Variants in CABLES1 observed in about 807,000 individuals in gnomAD.
CABLES1 encodes Cdk5 and Abl enzyme substrate 1.
CABLES1 carries 36 observed loss-of-function variants against 57.8 expected under a neutral mutation model. The observed-to-expected ratio is 0.62, with a 90% CI of 0.48 to 0.82. CABLES1 has a LOEUF of 0.82. CABLES1 is among the 40% of genes least tolerant of loss of function. The probability of loss-of-function intolerance (pLI) is 0.00; values close to 1 mark genes in which losing one functional copy is unlikely to be tolerated. For missense variants in CABLES1, 767 were observed against 836.6 expected (o/e 0.92, Z 1.03); for synonymous variants, 374 against 363.0 (o/e 1.03, Z -0.35).
Position 23,135,780 on chromosome 18 carries a change from G to C in CABLES1, c.18G>C (p.Ala6=). MAAAA[A]AATTAACSSG... Reference sequence around the variant, plus strand: ...CGGACACAATGGCGGCGGCGGCGGCGGCCGCCACCACGGCCGCCTGCAGCA... The same window carrying C: ...CGGACACAATGGCGGCGGCGGCGGCCGCCGCCACCACGGCCGCCTGCAGCA... Residue 6 remains alanine, a synonymous_variant, in exon 1 of 10, where the codon GCG becomes GCC. Coordinates refer to ENST00000256925, the MANE Select transcript of CABLES1 (RefSeq NM_001100619.3). 1.0e-6 allele frequency: 1 copy of C among 980,186 alleles called. No homozygotes were observed. The highest frequency in any genetic ancestry group is 1.2e-6 in the Non-Finnish European group (1 of 826,500). The allele number at this position is 980,186 out of a possible 1,614,324, so 60.7% of individuals were successfully genotyped here. A position where few individuals can be genotyped will look rare whatever the true frequency, so the allele number is the denominator to read the frequency against.
At position 23,178,917 on chromosome 18, in the gene CABLES1, A is replaced by G. The variant is rs73968814; in HGVS notation, c.846-9921A>G. Among the ~76,000 whole-genome samples, 30 of 152,240 alleles carry G rather than the reference A, an allele frequency of 2.0e-4. No individual in the cohort carries two copies. The Middle Eastern group carries it at 0.014, about 69-fold the overall frequency. On this transcript the variant is annotated intron_variant, in intron 1 of 9. Transcript: ENST00000256925. ...CCTTATTTGAACAAGCTGATTGGCA[A>G]CTCTAGTGTATTGATTTTAATTTGG...
intron 1 of CABLES1, among the ~76,000 whole-genome samples, chr18:23,139,619 G>A (rs970199754): frequency 6.6e-6 from 1 of 152,134 alleles, no homozygotes; most frequent in Non-Finnish European, 1.5e-5. Flanking sequence ...CACCACCTCT[G>A]TTCACTGGAC....
At chr18:23,165,802 C>T (rs994013913) in intron 1 of CABLES1, among the ~76,000 whole-genome samples, 2 of 152,162 alleles carry the variant, frequency 1.3e-5, no homozygotes, top group Admixed American at 6.5e-5. Flanking sequence ...TGAATGATGC[C>T]GCTATGAGCA....
intron 5 of CABLES1, among the ~76,000 whole-genome samples, chr18:23,235,223 C>G (rs560115481): frequency 6.6e-6 from 1 of 152,306 alleles, no homozygotes; most frequent in South Asian, 2.1e-4. Flanking sequence ...GTGCAGGGTC[C>G]AGACGGTCCT....
intron 3 of CABLES1, among the ~76,000 whole-genome samples, chr18:23,202,178 G>A (rs756553209): frequency 4.6e-5 from 7 of 152,228 alleles, no homozygotes; most frequent in Non-Finnish European, 1.0e-4. Flanking sequence ...ACTCGCCTTG[G>A]AACACAGTCA....
Position 23,148,383 on chromosome 18 carries a change from G to C in CABLES1, c.845+11776G>C, listed in dbSNP as rs184512678. On this transcript the variant is annotated intron_variant, in intron 1 of 9. Transcript: ENST00000256925. ...GATGTGGAGTTGAGTTGGGTGCTAC[G>C]TGGGTGCCTTGGCCTCACCTTTCAG... Among the ~76,000 whole-genome samples, 255 of 152,226 alleles carry C rather than the reference G, an allele frequency of 1.7e-3. 2 individuals are homozygous for C. Among genetic ancestry groups the C allele is most frequent in the Non-Finnish European group, 9.6e-4 (65 of 68,014 alleles).
intron 3 of CABLES1, among the ~76,000 whole-genome samples, chr18:23,198,520 G>A (rs1436317358): frequency 2.0e-5 from 3 of 152,176 alleles, no homozygotes; most frequent in Non-Finnish European, 2.9e-5. Context: ...TAGGTTACAT[G>A]GCAAAGGGGA....
At chr18:23,231,048 A>T (rs9958442) in intron 4 of CABLES1, among the ~76,000 whole-genome samples, 43,750 of 152,060 alleles carry the variant, frequency 0.29, 6,800 homozygotes, top group Admixed American at 0.46. Flanking sequence ...CCGACTTAGG[A>T]GAATCTTGCA....
At chr18:23,223,505 G>A (rs955032504) in intron 4 of CABLES1, among the ~76,000 whole-genome samples, 2 of 151,420 alleles carry the variant, frequency 1.3e-5, no homozygotes, top group African/African-American at 4.9e-5. Flanking sequence ...TTGAGCCCGG[G>A]AGGTGGAGGT....
chr18:23,136,385 T>G lies in CABLES1; in HGVS notation c.623T>G (p.Leu208Trp). 6.4e-7 allele frequency: 1 copy of G among 1,565,334 alleles called. No homozygotes were observed. The highest frequency in any genetic ancestry group is 1.2e-5 in the South Asian group (1 of 85,290). ...TCCGGGGCCGCCGGGCAGGAGGAGT[T>G]GGAGGAGGACGATGCCTTTATCAGC... ...DGSGAAGQEE[L>W]EEDDAFISVQ... The change falls in exon 1 of 10, where the codon TTG becomes TGG. Residue 208 changes from leucine to tryptophan, a missense_variant. Leu to Trp is a moderately conservative substitution (Grantham distance 61, BLOSUM62 -2). Around this residue, in one of 4 missense-constraint regions of CABLES1, gnomAD observed 529 missense variants for 622.8 expected, o/e 0.85. Coordinates refer to ENST00000256925, the MANE Select transcript of CABLES1 (RefSeq NM_001100619.3).
intron 1 of CABLES1, among the ~76,000 whole-genome samples, chr18:23,145,163 C>T (rs1477024674): frequency 6.6e-6 from 1 of 152,134 alleles, no homozygotes; most frequent in Non-Finnish European, 1.5e-5. Flanking sequence ...TCTCAAACTC[C>T]TGAACTCAGA....
At chr18:23,206,409 A>G (rs2047363883) in intron 3 of CABLES1, among the ~76,000 whole-genome samples, 2 of 152,386 alleles carry the variant, frequency 1.3e-5, no homozygotes, top group South Asian at 4.1e-4. Context: ...AGTAAATGCC[A>G]AAGGAAATAC....
chr18:23,177,001 C>G (rs2047127825), intron 1 of CABLES1, among the ~76,000 whole-genome samples: 1 of 152,144 alleles, frequency 6.6e-6, no homozygotes, highest in East Asian at 1.9e-4. Flanking sequence ...CCGTTCTCTC[C>G]TGACTGTGGA....
rs957725447 is a variant in CABLES1, at chr18:23,136,187, A to G, written c.425A>G (p.Gln142Arg). The G allele has an allele frequency of 2.3e-4, 279 of 1,235,584 alleles. No homozygotes were observed. The highest frequency in any genetic ancestry group is 2.7e-4 in the Non-Finnish European group (263 of 991,350). The allele number at this position is 1,235,584 out of a possible 1,614,324, so 76.5% of individuals were successfully genotyped here. Residue 142 changes from glutamine to arginine, a missense_variant, in exon 1 of 10, where the codon CAG (glutamine) becomes CGG (arginine). Gln to Arg is a conservative substitution (Grantham distance 43). This residue lies in a region of CABLES1 where 529 missense variants were observed against 622.8 expected (regional missense o/e 0.85). Transcript: ENST00000256925. The stretch of plus-strand genomic sequence containing the variant: ...GCTGGGTCCGGCCCCTGCCTCCCAC[A>G]GCCCTCGTCGCTGCCGCCCTTGATT... ...LAAGSGPCLP[Q>R]PSSLPPLIPG...
chr18:23,234,843 G>A, intron 5 of CABLES1, 139 bp downstream of exon 5: 1 of 678,888 alleles, frequency 1.5e-6, no homozygotes, highest in South Asian at 1.8e-5. Context: ...TGTGATGCCA[G>A]CCTGCCCGGC....
At chr18:23,244,162 G>A (rs1252722316) in intron 7 of CABLES1, among the ~76,000 whole-genome samples, 1 of 152,160 alleles carries the variant, frequency 6.6e-6, no homozygotes, top group Non-Finnish European at 1.5e-5. Flanking sequence ...TCTGGGTGTG[G>A]GTGATCTCAG....
intron 1 of CABLES1, among the ~76,000 whole-genome samples, chr18:23,168,652 G>A (rs2047060162): frequency 6.6e-6 from 1 of 152,162 alleles, no homozygotes; most frequent in African/African-American, 2.4e-5. Flanking sequence ...CAAAAACAGG[G>A]CATGGAGCAA....
At chr18:23,153,770 C>T (rs1159489324) in intron 1 of CABLES1, among the ~76,000 whole-genome samples, 1 of 151,994 alleles carries the variant, frequency 6.6e-6, no homozygotes. Context: ...ATGGCTGATG[C>T]CTGTAGTCCC....
At chr18:23,234,768 A>AG in intron 5 of CABLES1, 64 bp downstream of exon 5, 1 of 1,297,420 alleles carries the variant, frequency 7.7e-7, no homozygotes, top group Non-Finnish European at 1.1e-6. Flanking sequence ...GAAGCAGAGG[A>AG]GGGGGGCAGC....
Sources: allele counts gnomAD v4.1 joint callset (sites outside exome capture counted in the v4.1 genomes callset), GRCh38; gene constraint gnomAD v4.1.1; regional missense constraint gnomAD v4.1.1; transcripts MANE v1.5; gene names NCBI Gene and HGNC (gene_info 2026-07-23, HGNC 2026-07-21).